Variants in CDK5RAP2 observed in about 807,000 individuals in gnomAD.
CDK5RAP2 encodes the protein CDK5 regulatory subunit associated protein 2.
Under a neutral mutation model 232.9 loss-of-function variants are expected in CDK5RAP2, and 147 were observed. The ratio of observed to expected loss-of-function variants is 0.63; its 90% CI spans 0.55 to 0.72. CDK5RAP2 has a LOEUF of 0.72. Among genes scored for constraint, CDK5RAP2 ranks in the 30% least tolerant of loss-of-function variants. CDK5RAP2 has a pLI of 0.00. For missense variants in CDK5RAP2, 2,195 were observed against 2,231.5 expected (o/e 0.98, Z 0.33); for synonymous variants, 833 against 833.7 (o/e 1.00, Z 0.01).
rs762201727 is a variant in CDK5RAP2 at position 120,408,411 on chromosome 9, C to CAATA, written c.4658_4661dup (p.Leu1554PhefsTer13). On this transcript the variant is annotated frameshift_variant, in exon 31 of 38. Transcript: ENST00000349780. LOFTEE classifies it high-confidence loss of function. ...CCTTCAGCTCCACTCGGAGAGACTG[C>CAATA]AATAGCTTGTCATTCTGTGAGAGCA... 1.9e-6 allele frequency: 3 copies of CAATA among 1,614,198 alleles called. No homozygotes were observed. Among genetic ancestry groups the CAATA allele is most frequent in the Non-Finnish European group, 2.5e-6 (3 of 1,180,028 alleles).
At chr9:120,555,622 C>T (rs980477563) in intron 3 of CDK5RAP2, among the ~76,000 whole-genome samples, 1 of 152,154 alleles carries the variant, frequency 6.6e-6, no homozygotes. Context: ...TGCAAAATGG[C>T]ACAGACACTC....
chr9:120,504,486 G>A (rs73660266), intron 12 of CDK5RAP2, among the ~76,000 whole-genome samples: 1,840 of 152,174 alleles, frequency 0.012, 27 homozygotes, highest in African/African-American at 0.042. Flanking sequence ...TATTCCTCCC[G>A]CCAGACAGCT....
intron 23 of CDK5RAP2, among the ~76,000 whole-genome samples, chr9:120,441,869 T>C (rs563701903): frequency 6.6e-6 from 1 of 152,304 alleles, no homozygotes; most frequent in South Asian, 2.1e-4. Flanking sequence ...TCCATGTCTG[T>C]TTCTCCAGTA....
At chr9:120,519,298 GGTAA>G (rs2040512179) in intron 11 of CDK5RAP2, among the ~76,000 whole-genome samples, 1 of 151,854 alleles carries the variant, frequency 6.6e-6, no homozygotes, top group Non-Finnish European at 1.5e-5. Flanking sequence ...AATGTTCTAA[GGTAA>G]GTGAGCATGT....
intron 29 of CDK5RAP2, among the ~76,000 whole-genome samples, chr9:120,410,816 A>T (rs1028907714): frequency 2.0e-5 from 3 of 152,222 alleles, no homozygotes; most frequent in African/African-American, 7.2e-5. Context: ...CACCTGTCAA[A>T]TAGGGCTAAT....
At chr9:120,398,164 T>C (rs2032685094) in intron 35 of CDK5RAP2, among the ~76,000 whole-genome samples, 1 of 152,188 alleles carries the variant, frequency 6.6e-6, no homozygotes, top group Admixed American at 6.5e-5. Context: ...TTCTAAAGCC[T>C]TGTATGTTGA....
intron 36 of CDK5RAP2, chr9:120,390,012 A>G (rs1166596926): frequency 1.8e-6 from 1 of 567,126 alleles, no homozygotes; most frequent in Non-Finnish European, 3.3e-6. Flanking sequence ...AGGCCCCGCT[A>G]AGCCACCACC....
At chr9:120,564,149 A>G (rs1053480020) in intron 3 of CDK5RAP2, among the ~76,000 whole-genome samples, 1 of 151,964 alleles carries the variant, frequency 6.6e-6, no homozygotes, top group Non-Finnish European at 1.5e-5. Context: ...CAGAAATCTC[A>G]TTTCTAGGAA....
At position 120,575,408 on chromosome 9, in the gene CDK5RAP2, C is replaced by T. The variant is rs542404152; in HGVS notation, c.60-3367G>A. On this transcript the variant is annotated intron_variant, in intron 1 of 37. Coordinates refer to ENST00000349780, the MANE Select transcript of CDK5RAP2 (RefSeq NM_018249.6). The stretch of plus-strand genomic sequence containing the variant: ...GACTGAATGGACCTTCACCTGAGCT[C>T]CACCACCTCATCCTCCTATCTTGCT... Among the ~76,000 whole-genome samples, 137 of 152,190 alleles carry T rather than the reference C, an allele frequency of 9.0e-4. 1 individual carries two copies. Among genetic ancestry groups the T allele is most frequent in the African/African-American group, 3.3e-3 (135 of 41,508 alleles).
intron 3 of CDK5RAP2, among the ~76,000 whole-genome samples, chr9:120,562,345 G>A (rs1044012990): frequency 2.6e-5 from 4 of 152,084 alleles, no homozygotes; most frequent in Non-Finnish European, 5.9e-5. Context: ...TGCGAGGTAC[G>A]GGAACTCAGA....
intron 5 of CDK5RAP2, among the ~76,000 whole-genome samples, chr9:120,541,332 A>G (rs1407039279): frequency 6.6e-6 from 1 of 152,180 alleles, no homozygotes; most frequent in Non-Finnish European, 1.5e-5. Context: ...GCTGATTACA[A>G]TTTTTAACAA....
chr9:120,578,476 C>T (rs1423749443), intron 1 of CDK5RAP2, among the ~76,000 whole-genome samples: 1 of 151,818 alleles, frequency 6.6e-6, no homozygotes, highest in Non-Finnish European at 1.5e-5. Flanking sequence ...TGAAGGTTCT[C>T]AATAAACAGA....
At chr9:120,578,724 G>A (rs963741043) in intron 1 of CDK5RAP2, among the ~76,000 whole-genome samples, 15 of 151,926 alleles carry the variant, frequency 9.9e-5, no homozygotes, top group Admixed American at 9.2e-4. Context: ...ATGCCACCAC[G>A]CCTGGCTAAT....
intron 21 of CDK5RAP2, among the ~76,000 whole-genome samples, chr9:120,448,894 A>T (rs1294802634): frequency 1.3e-5 from 2 of 152,260 alleles, no homozygotes; most frequent in East Asian, 3.9e-4. Context: ...AGATGCTGTT[A>T]GTTCTCACCT....
At chr9:120,437,610 G>A (rs1032681022) in intron 24 of CDK5RAP2, 83 bp from the exon 25 acceptor site, 1 of 1,017,586 alleles carries the variant, frequency 9.8e-7, no homozygotes, top group Non-Finnish European at 1.6e-6. Flanking sequence ...AAAAATGACA[G>A]AGTACAATTT....
chr9:120,483,196 C>T (rs528233990), intron 14 of CDK5RAP2, among the ~76,000 whole-genome samples: 3 of 152,348 alleles, frequency 2.0e-5, no homozygotes, highest in East Asian at 3.9e-4. Flanking sequence ...GTGTTCTCCA[C>T]AGCCCTTGGA....
chr9:120,486,515 C>T (rs1384509763), intron 14 of CDK5RAP2, among the ~76,000 whole-genome samples: 2 of 151,798 alleles, frequency 1.3e-5, no homozygotes, highest in African/African-American at 4.8e-5. Context: ...AATATTTACA[C>T]AGCCAGGCAA....
chr9:120,564,908 C>T (rs1002304680), intron 3 of CDK5RAP2, among the ~76,000 whole-genome samples: 8 of 152,146 alleles, frequency 5.3e-5, no homozygotes, highest in Non-Finnish European at 1.0e-4. Flanking sequence ...ATGCTGCCTC[C>T]GCAAGGCCTC....
chr9:120,456,041 A>T (rs2036755046), intron 20 of CDK5RAP2, among the ~76,000 whole-genome samples: 1 of 152,250 alleles, frequency 6.6e-6, no homozygotes, highest in African/African-American at 2.4e-5. Flanking sequence ...AATCTGAAGA[A>T]GATTTTTAAA....
Sources: gnomAD v4.1 joint callset for allele counts (sites outside exome capture counted in the v4.1 genomes callset) on GRCh38, gnomAD v4.1.1 for gene constraint, MANE v1.5 for transcripts, NCBI Gene and HGNC (gene_info 2026-07-23, HGNC 2026-07-21) for gene names.